Variants in ATP1A4 observed in about 807,000 individuals in gnomAD.
The protein encoded by ATP1A4 is sodium/potassium-transporting ATPase subunit alpha-4.
A neutral mutation model predicts 114.3 loss-of-function variants in ATP1A4; 90 were observed. The observed-to-expected ratio is 0.79, with a 90% CI of 0.66 to 0.94. The LOEUF (loss-of-function observed/expected upper bound fraction) is 0.94. ATP1A4 is among the 40% of genes least tolerant of loss of function. ATP1A4 has a pLI of 0.00. For missense variants in ATP1A4, 1,222 were observed against 1,313.6 expected (o/e 0.93, Z 1.08); for synonymous variants, 511 against 494.1 (o/e 1.03, Z -0.45).
At chr1:160,162,846 A>C (rs770202435) in intron 6 of ATP1A4, among the ~76,000 whole-genome samples, 2 of 152,184 alleles carry the variant, frequency 1.3e-5, no homozygotes, top group Non-Finnish European at 2.9e-5. Flanking sequence ...GCTGAGGGCA[A>C]GATAAGAACT....
chr1:160,176,422 T>C (rs1653466055), intron 16 of ATP1A4, 57 bp from the exon 17 acceptor site: 2 of 1,611,848 alleles, frequency 1.2e-6, no homozygotes, highest in East Asian at 4.5e-5. Flanking sequence ...CTTGAATTAC[T>C]GCTGGGTTTC....
chr1:160,173,241 C>T (rs2101645715), intron 12 of ATP1A4, among the ~76,000 whole-genome samples: 1 of 152,334 alleles, frequency 6.6e-6, no homozygotes, highest in South Asian at 2.1e-4. Context: ...TCCTTTATTA[C>T]CACTTGTTCT....
intron 10 of ATP1A4, among the ~76,000 whole-genome samples, chr1:160,168,377 C>CTTTTTTT (rs11397218): frequency 3.1e-5 from 3 of 97,058 alleles, no homozygotes; most frequent in South Asian, 4.2e-4. Context: ...CTGCTGGTAT[C>CTTTTTTT]TTTTTTTTTT....
chr1:160,154,925 C>T (rs80019154), intron 2 of ATP1A4, 120 bp from the exon 3 acceptor site: 22,436 of 886,586 alleles, frequency 0.025, 335 homozygotes, highest in Middle Eastern at 0.059. Flanking sequence ...CCAGACTGAC[C>T]TTCTGAAAGC....
intron 17 of ATP1A4, chr1:160,177,308 T>G: frequency 3.8e-6 from 2 of 526,530 alleles, no homozygotes; most frequent in Non-Finnish European, 6.7e-6. Context: ...GGGTCAGAGT[T>G]TAGAAACAAA....
Position 160,176,224 on chromosome 1 carries a change from G to A in ATP1A4, c.2444G>A (p.Cys815Tyr), listed in dbSNP as rs765545705. 6.2e-7 allele frequency: 1 copy of A among 1,613,954 alleles called. No individual in the cohort carries two copies. Among genetic ancestry groups the A allele is most frequent in the African/African-American group, 1.3e-5 (1 of 74,884 alleles). The change falls in exon 16 of 22, where the codon TGC (cysteine) becomes TAC (tyrosine). Residue 815 changes from cysteine (C) to tyrosine (Y), a missense_variant. Transcript: ENST00000368081. ...CCTCTGGGAACCATAACCATCCTCTGCATTGATCTCGGCACTGACATGGTA... is the reference window on the plus strand; with the variant it reads ...CCTCTGGGAACCATAACCATCCTCTACATTGATCTCGGCACTGACATGGTA... ...PLPLGTITILCIDLGTDMVPA... is the reference protein window; with the variant it reads ...PLPLGTITILYIDLGTDMVPA...
chr1:160,175,899 A>G (rs942155426), intron 15 of ATP1A4, among the ~76,000 whole-genome samples, 193 bp from the exon 16 acceptor site: 4 of 152,188 alleles, frequency 2.6e-5, no homozygotes, highest in Non-Finnish European at 5.9e-5. Flanking sequence ...AAGAACAAAC[A>G]GTACACAGAC....
At chr1:160,171,559 TG>T in intron 11 of ATP1A4, 25 bp from the exon 12 acceptor site, 2 of 1,609,826 alleles carry the variant, frequency 1.2e-6, no homozygotes, top group Non-Finnish European at 1.7e-6. Context: ...GGATGACTAC[TG>T]GTCCCTCCCT....
chr1:160,155,931 G>T, intron 3 of ATP1A4, 114 bp from the exon 4 acceptor site: 1 of 679,364 alleles, frequency 1.5e-6, no homozygotes. Flanking sequence ...TCTCAACTCA[G>T]TCTTACGGTC....
At position 160,181,832 on chromosome 1, in the gene ATP1A4, C is replaced by G; in HGVS notation, c.2867+18C>G. On this transcript the variant is annotated intron_variant, in intron 19 of 21. Coordinates refer to ENST00000368081, the MANE Select transcript of ATP1A4 (RefSeq NM_144699.4). ...GGCATGAGGTGAACATCTCACAAAA[C>G]AGCCCAGCACTCTCCCAAGCCCCAC... 1 of 1,554,074 alleles carries G rather than the reference C, an allele frequency of 6.4e-7. No homozygotes were observed. Among genetic ancestry groups the G allele is most frequent in the South Asian group, 1.1e-5 (1 of 88,738 alleles).
Position 160,186,836 on chromosome 1 carries a change from T to C in ATP1A4, c.*137T>C, listed in dbSNP as rs1653911511. ...ATGAGAAAGATGGGCAATCCTGGGC[T>C]GGCTTGAGGGAATCATGGGCAGAGG... On this transcript the variant is annotated 3_prime_UTR_variant, in exon 22 of 22. Transcript: ENST00000368081. 3 of 1,033,494 alleles carry C rather than the reference T, an allele frequency of 2.9e-6. No homozygotes were observed. The highest frequency in any genetic ancestry group is 2.8e-5 in the South Asian group (2 of 70,488). 64.0% of individuals were successfully genotyped at this position (1,033,494 alleles called of 1,614,324 possible).
intron 8 of ATP1A4, 68 bp downstream of exon 8, chr1:160,166,794 A>T: frequency 6.3e-7 from 1 of 1,598,600 alleles, no homozygotes; most frequent in East Asian, 2.2e-5. Flanking sequence ...GCTGAGAGAG[A>T]ATGGTGAGTC....
chr1:160,163,692 T>C (rs1558019852), intron 6 of ATP1A4, among the ~76,000 whole-genome samples: 2 of 152,144 alleles, frequency 1.3e-5, no homozygotes, highest in Admixed American at 1.3e-4. Flanking sequence ...AGGTTTTTAA[T>C]GGAGATTTCA....
intron 18 of ATP1A4, 110 bp from the exon 19 acceptor site, chr1:160,181,574 A>T: frequency 8.4e-7 from 1 of 1,190,928 alleles, no homozygotes; most frequent in Non-Finnish European, 1.2e-6. Flanking sequence ...AAAAAAAAAG[A>T]ATGAGGACCT....
At chr1:160,181,527 C>A (rs1464650053) in intron 18 of ATP1A4, among the ~76,000 whole-genome samples, 157 bp from the exon 19 acceptor site, 1 of 149,754 alleles carries the variant, frequency 6.7e-6, no homozygotes, top group Non-Finnish European at 1.5e-5. Flanking sequence ...TGCACTCCAG[C>A]CTAGGCAACA....
intron 20 of ATP1A4, among the ~76,000 whole-genome samples, chr1:160,182,434 G>A (rs866079589): frequency 5.1e-4 from 78 of 152,164 alleles, no homozygotes; most frequent in African/African-American, 1.8e-3. Flanking sequence ...GTATGTGATC[G>A]TGCCTACTGA....
intron 20 of ATP1A4, among the ~76,000 whole-genome samples, chr1:160,182,532 G>C (rs953586254): frequency 6.6e-6 from 1 of 152,014 alleles, no homozygotes; most frequent in South Asian, 2.1e-4. Context: ...TGCTTGATGT[G>C]GAAAAATTTA....
At chr1:160,186,025 G>A (rs1469633371) in intron 20 of ATP1A4, among the ~76,000 whole-genome samples, 2 of 142,850 alleles carry the variant, frequency 1.4e-5, no homozygotes, top group African/African-American at 2.6e-5. Flanking sequence ...AATCCGGGAG[G>A]CAGAGGTTGC....
intron 18 of ATP1A4, among the ~76,000 whole-genome samples, chr1:160,180,671 A>G (rs895984138): frequency 8.5e-6 from 1 of 118,036 alleles, no homozygotes; most frequent in Non-Finnish European, 1.8e-5. Flanking sequence ...TCTGACCTAT[A>G]TCCCCTGACT....
Sources: gnomAD v4.1 joint callset for allele counts (sites outside exome capture counted in the v4.1 genomes callset) on GRCh38, gnomAD v4.1.1 for gene constraint, MANE v1.5 for transcripts, NCBI Gene and HGNC (gene_info 2026-07-23, HGNC 2026-07-21) for gene names.